The following PARN variants were observed in gnomAD, a reference collection of about 807,000 sequenced individuals.
PARN encodes poly(A)-specific ribonuclease, also known as poly(A)-specific ribonuclease PARN.
In PARN, 71 loss-of-function variants were observed where a neutral mutation model predicts 102.8. The observed-to-expected ratio is 0.69, with a 90% CI of 0.57 to 0.84. The LOEUF (loss-of-function observed/expected upper bound fraction) is 0.84, where lower values mean the gene tolerates loss of function less well. Ranked by LOEUF, PARN falls within the 40% of genes least tolerant of loss-of-function variation. The pLI is 0.00. For synonymous variants in PARN, 261 were observed against 252.9 expected (o/e 1.03, Z -0.30); for missense variants, 782 against 760.9 (o/e 1.03, Z -0.33).
At chr16:14,624,896 A>G (rs761494247) in intron 5 of PARN, among the ~76,000 whole-genome samples, 43 of 152,256 alleles carry the variant, frequency 2.8e-4, no homozygotes, top group Non-Finnish European at 5.3e-4. Context: ...TACTAAAAAT[A>G]TAAAATAAGC....
At chr16:14,622,767 A>C (rs893549317) in intron 5 of PARN, among the ~76,000 whole-genome samples, 70 of 152,120 alleles carry the variant, frequency 4.6e-4, no homozygotes, top group African/African-American at 1.7e-3. Context: ...TGGCCTCCCA[A>C]AGTGCTGGGA....
At chr16:14,477,405 C>A (rs1203465247) in intron 22 of PARN, among the ~76,000 whole-genome samples, 1 of 149,438 alleles carries the variant, frequency 6.7e-6, no homozygotes, top group Non-Finnish European at 1.5e-5. Flanking sequence ...TGCACCACTG[C>A]ACTCCAGCCT....
At chr16:14,545,429 T>A (rs1966881604) in intron 21 of PARN, among the ~76,000 whole-genome samples, 1 of 152,214 alleles carries the variant, frequency 6.6e-6, no homozygotes, top group African/African-American at 2.4e-5. Flanking sequence ...CATTTCTAAA[T>A]AATCCAGGAT....
Position 14,599,925 on chromosome 16 carries a change from G to T in PARN, c.819C>A (p.Val273=). 1.2e-6 allele frequency: 2 copies of T among 1,603,042 alleles called. No individual in the cohort carries two copies. Among genetic ancestry groups the T allele is most frequent in the Non-Finnish European group, 1.7e-6 (2 of 1,173,098 alleles). The change falls in exon 12 of 24, where the codon GTC becomes GTA. Residue 273 remains valine (V), a synonymous_variant. Coordinates refer to ENST00000437198, the MANE Select transcript of PARN (RefSeq NM_002582.4). Reference sequence around the variant, plus strand: ...TTACCGAATTAGCAATGGCGTGAATGACTCTAGAAAATCCCACAGCATCAT... The same window carrying T: ...TTACCGAATTAGCAATGGCGTGAATTACTCTAGAAAATCCCACAGCATCAT... ...ELNDAVGFSR[V]IHAIANSGKL...
Position 14,509,474 on chromosome 16 carries a change from A to G in PARN, c.1481-26647T>C, listed in dbSNP as rs187831622. On this transcript the variant is annotated intron_variant, in intron 21 of 23. Transcript: ENST00000437198. ...GGCTAACAGTTTATTTTAAATTTTT[A>G]TTGAAATGGTAAAGCAGTTTAATAA... 2.6e-5 allele frequency among the ~76,000 whole-genome samples: 4 copies of G among 152,328 alleles called. No individual in the cohort carries two copies. The East Asian group carries it at 7.7e-4, about 29-fold the overall frequency.
At chr16:14,452,337 A>G (rs1961499786) in intron 22 of PARN, among the ~76,000 whole-genome samples, 1 of 152,154 alleles carries the variant, frequency 6.6e-6, no homozygotes, top group South Asian at 2.1e-4. Context: ...TAAGTTTACA[A>G]AGCATTTTCC....
intron 18 of PARN, 75 bp downstream of exon 18, chr16:14,580,799 C>G (rs1047133209): frequency 1.2e-6 from 1 of 825,900 alleles, no homozygotes; most frequent in Admixed American, 2.0e-5. Flanking sequence ...CCCAATAACT[C>G]CAAACTGACA....
rs187596543 is a variant in PARN at position 14,623,446 on chromosome 16, G to A, written c.327+3660C>T. ...GGAGGATCGCTTGAACCCAGGAGGT[G>A]GAGGTCGTGGTGAGCCAAGATCGCA... On this transcript the variant is annotated intron_variant, in intron 5 of 23. Transcript: ENST00000437198. 2.2e-4 allele frequency among the ~76,000 whole-genome samples: 33 copies of A among 151,700 alleles called. No individual in the cohort carries two copies. The East Asian group carries it at 4.3e-3, about 20-fold the overall frequency.
chr16:14,604,000 G>C (rs1045932436), intron 11 of PARN, 146 bp downstream of exon 11: 2 of 688,244 alleles, frequency 2.9e-6, no homozygotes, highest in Non-Finnish European at 5.2e-6. Context: ...CCTTATTCTA[G>C]TCCAGGTTTT....
intron 22 of PARN, among the ~76,000 whole-genome samples, chr16:14,459,189 G>C (rs1018071456): frequency 1.3e-5 from 2 of 152,204 alleles, no homozygotes; most frequent in Non-Finnish European, 2.9e-5. Context: ...GCAAGAGAAA[G>C]AAAATGTGTA....
At chr16:14,615,880 G>A (rs1221159470) in intron 6 of PARN, among the ~76,000 whole-genome samples, 4 of 147,726 alleles carry the variant, frequency 2.7e-5, no homozygotes, top group African/African-American at 5.0e-5. Flanking sequence ...CAGCCTGGGC[G>A]ACACAGTGAG....
chr16:14,622,476 T>C (rs1186059373), intron 5 of PARN, among the ~76,000 whole-genome samples: 4 of 152,238 alleles, frequency 2.6e-5, no homozygotes, highest in South Asian at 2.1e-4. Flanking sequence ...GAGTGGCAAG[T>C]GCGAGTTGCA....
intron 21 of PARN, among the ~76,000 whole-genome samples, chr16:14,524,939 A>G (rs1050726840): frequency 6.6e-6 from 1 of 152,206 alleles, no homozygotes; most frequent in African/African-American, 2.4e-5. Flanking sequence ...CCAACCCAGC[A>G]TATCTAATAG....
chr16:14,572,723 G>C (rs1968885118), intron 18 of PARN, among the ~76,000 whole-genome samples: 1 of 152,092 alleles, frequency 6.6e-6, no homozygotes, highest in Non-Finnish European at 1.5e-5. Flanking sequence ...AACACTAATG[G>C]GTAGGTACTA....
chr16:14,582,643 C>A (rs921485767), intron 16 of PARN, among the ~76,000 whole-genome samples: 1 of 151,712 alleles, frequency 6.6e-6, no homozygotes, highest in African/African-American at 2.4e-5. Context: ...ATATTCTTCC[C>A]TTATACAAGA....
At chr16:14,525,733 A>C (rs1418509077) in intron 21 of PARN, among the ~76,000 whole-genome samples, 2 of 152,266 alleles carry the variant, frequency 1.3e-5, no homozygotes, top group Non-Finnish European at 2.9e-5. Context: ...TGTAGGCTCC[A>C]CCAGGAAAAG....
At chr16:14,529,379 G>C (rs1422867324) in intron 21 of PARN, among the ~76,000 whole-genome samples, 1 of 152,210 alleles carries the variant, frequency 6.6e-6, no homozygotes, top group African/African-American at 2.4e-5. Flanking sequence ...AAGCCAGATG[G>C]ATGGCAAAGT....
At chr16:14,577,031 A>T (rs1314689894) in intron 18 of PARN, among the ~76,000 whole-genome samples, 1 of 152,200 alleles carries the variant, frequency 6.6e-6, no homozygotes, top group African/African-American at 2.4e-5. Context: ...GACGTAAGTG[A>T]AGTTTATTTC....
chr16:14,514,818 G>C (rs1203728793), intron 21 of PARN, among the ~76,000 whole-genome samples: 1 of 152,188 alleles, frequency 6.6e-6, no homozygotes, highest in South Asian at 2.1e-4. Context: ...AGCAGTGAGT[G>C]AAAAGGCCAC....
Sources: allele counts gnomAD v4.1 joint callset (sites outside exome capture counted in the v4.1 genomes callset), GRCh38; gene constraint gnomAD v4.1.1; transcripts MANE v1.5; gene names NCBI Gene and HGNC (gene_info 2026-07-23, HGNC 2026-07-21).